DACH1: variants seen among roughly 807,000 people sequenced by gnomAD.
DACH1 encodes the protein dachshund family transcription factor 1.
DACH1 carries 12 observed loss-of-function variants against 54.2 expected under a neutral mutation model. That is an observed-to-expected ratio of 0.22 (90% CI 0.14 to 0.36). The LOEUF (loss-of-function observed/expected upper bound fraction) is 0.36, where lower values mean the gene tolerates loss of function less well. DACH1 is among the 10% of genes least tolerant of loss of function. The probability of loss-of-function intolerance (pLI) is 1.00; values close to 1 mark genes in which losing one functional copy is unlikely to be tolerated. For missense variants in DACH1, 805 were observed against 929.8 expected, an observed-to-expected ratio of 0.87 and a Z score of 1.75; for synonymous variants, 386 against 366.2, an observed-to-expected ratio of 1.05 and a Z score of -0.62.
intron 1 of DACH1, among the ~76,000 whole-genome samples, chr13:71,741,962 T>C (rs1279112089): frequency 6.6e-6 from 1 of 152,102 alleles, no homozygotes; most frequent in Non-Finnish European, 1.5e-5. Flanking sequence ...CTCCCAAATT[T>C]CAACTTGAAT....
At chr13:71,634,827 A>G (rs886634219) in intron 2 of DACH1, among the ~76,000 whole-genome samples, 1 of 152,172 alleles carries the variant, frequency 6.6e-6, no homozygotes, top group South Asian at 2.1e-4. Flanking sequence ...TGAGATTCTG[A>G]ATCATCAGGT....
intron 1 of DACH1, among the ~76,000 whole-genome samples, chr13:71,833,427 GAAGTAT>G (rs1283630442): frequency 2.0e-5 from 3 of 151,994 alleles, no homozygotes; most frequent in Non-Finnish European, 4.4e-5. Flanking sequence ...ATTACTACTT[GAAGTAT>G]AAGTGGAGAG....
At chr13:71,507,275 T>C (rs956153335) in intron 6 of DACH1, among the ~76,000 whole-genome samples, 1 of 152,190 alleles carries the variant, frequency 6.6e-6, no homozygotes, top group Admixed American at 6.5e-5. Flanking sequence ...CTGTTGTTTA[T>C]CTTATAATGT....
intron 1 of DACH1, among the ~76,000 whole-genome samples, chr13:71,836,353 A>G (rs1205196608): frequency 1.3e-5 from 2 of 152,058 alleles, no homozygotes; most frequent in Non-Finnish European, 2.9e-5. Context: ...CTTAATATGC[A>G]TAATTTCATT....
chr13:71,446,031 G>A (rs1874425509), intron 10 of DACH1, among the ~76,000 whole-genome samples: 1 of 152,146 alleles, frequency 6.6e-6, no homozygotes, highest in Non-Finnish European at 1.5e-5. Flanking sequence ...GAAAAGCCAT[G>A]GGCCATGGAG....
rs187077245 is a variant in DACH1, at chr13:71,867,008, C to G, written c.-239G>C. On this transcript the variant is annotated 5_prime_UTR_variant, in exon 1 of 11. Coordinates refer to ENST00000613252, the MANE Select transcript of DACH1 (RefSeq NM_080759.6). ...TGGAGAGGAACGCACAAAAGTGTCC[C>G]GCAAGTCGAAATGCGAGTCCTCTCC... The G allele has an allele frequency of 9.9e-4, 254 of 255,714 alleles. No individual in the cohort carries two copies. Among genetic ancestry groups the G allele is most frequent in the South Asian group, 5.7e-3 (31 of 5,416 alleles). 15.8% of individuals were successfully genotyped at this position (255,714 alleles called of 1,614,324 possible). A position where few individuals can be genotyped will look rare whatever the true frequency, so the allele number is the denominator to read the frequency against.
intron 1 of DACH1, among the ~76,000 whole-genome samples, chr13:71,796,841 G>A (rs1245574900): frequency 6.6e-6 from 1 of 151,978 alleles, no homozygotes; most frequent in African/African-American, 2.4e-5. Context: ...ATTTCCCAAG[G>A]ACATCTACGG....
chr13:71,799,853 A>G (rs1228987264), intron 1 of DACH1, among the ~76,000 whole-genome samples: 1 of 152,168 alleles, frequency 6.6e-6, no homozygotes, highest in African/African-American at 2.4e-5. Flanking sequence ...ATGAGGAATC[A>G]TTATATCTCC....
At chr13:71,514,977 A>C (rs1881050354) in intron 6 of DACH1, among the ~76,000 whole-genome samples, 2 of 151,782 alleles carry the variant, frequency 1.3e-5, no homozygotes, top group Non-Finnish European at 2.9e-5. Flanking sequence ...TAATCAGTCA[A>C]CCTCTTCCCA....
chr13:71,551,276 C>G (rs1342716558), intron 6 of DACH1, among the ~76,000 whole-genome samples: 2 of 152,006 alleles, frequency 1.3e-5, no homozygotes, highest in Non-Finnish European at 2.9e-5. Context: ...TTGGGATATC[C>G]ATCACCCTAA....
intron 6 of DACH1, among the ~76,000 whole-genome samples, chr13:71,530,397 T>C (rs1386808389): frequency 6.6e-6 from 1 of 152,188 alleles, no homozygotes; most frequent in African/African-American, 2.4e-5. Context: ...TTTTATCTTA[T>C]TCTTTGTTAA....
intron 2 of DACH1, among the ~76,000 whole-genome samples, chr13:71,638,345 G>A (rs1490015608): frequency 1.3e-5 from 2 of 152,108 alleles, no homozygotes; most frequent in Non-Finnish European, 2.9e-5. Context: ...CAAGAAGGAG[G>A]AAAATCGAAC....
intron 8 of DACH1, among the ~76,000 whole-genome samples, chr13:71,476,742 T>A (rs1396816903): frequency 2.6e-5 from 4 of 152,260 alleles, no homozygotes; most frequent in Non-Finnish European, 2.9e-5. Flanking sequence ...TTACAAAATG[T>A]ATATCAACTA....
At chr13:71,775,382 G>C (rs190359381) in intron 1 of DACH1, among the ~76,000 whole-genome samples, 15 of 151,898 alleles carry the variant, frequency 9.9e-5, no homozygotes, top group Admixed American at 9.2e-4. Flanking sequence ...TGGCCATATA[G>C]ACAAACCAGG....
chr13:71,499,149 A>ACACC (rs1555288012), intron 6 of DACH1, among the ~76,000 whole-genome samples: 2 of 151,068 alleles, frequency 1.3e-5, no homozygotes, highest in African/African-American at 2.4e-5. Context: ...ACACACACAC[A>ACACC]CACACACACT....
At chr13:71,809,431 A>G (rs373893649) in intron 1 of DACH1, among the ~76,000 whole-genome samples, 2 of 152,136 alleles carry the variant, frequency 1.3e-5, no homozygotes, top group Admixed American at 6.5e-5. Flanking sequence ...TCGGCCTCCC[A>G]AAGTACTGAG....
intron 2 of DACH1, among the ~76,000 whole-genome samples, chr13:71,638,806 C>T (rs1877688396): frequency 6.6e-6 from 1 of 152,178 alleles, no homozygotes; most frequent in Non-Finnish European, 1.5e-5. Context: ...AACCTTTCAG[C>T]TATTTTTCCC....
intron 3 of DACH1, among the ~76,000 whole-genome samples, chr13:71,627,523 T>C (rs1290237737): frequency 6.6e-6 from 1 of 152,008 alleles, no homozygotes; most frequent in Non-Finnish European, 1.5e-5. Context: ...CAACAGTTGA[T>C]AGATTCATGA....
chr13:71,728,485 C>T (rs1241206709), intron 1 of DACH1, among the ~76,000 whole-genome samples: 1 of 151,918 alleles, frequency 6.6e-6, no homozygotes, highest in Non-Finnish European at 1.5e-5. Flanking sequence ...TTTACAAAAA[C>T]TGTGCCTCTA....
Sources: gnomAD v4.1 joint callset for allele counts (sites outside exome capture counted in the v4.1 genomes callset) on GRCh38, gnomAD v4.1.1 for gene constraint, MANE v1.5 for transcripts, NCBI Gene and HGNC (gene_info 2026-07-23, HGNC 2026-07-21) for gene names.